The following NLGN1 variants were observed in gnomAD, a reference collection of about 807,000 sequenced individuals.
NLGN1 encodes the protein neuroligin 1.
In NLGN1, 12 loss-of-function variants were observed where a neutral mutation model predicts 65.5. The ratio of observed to expected loss-of-function variants is 0.18; its 90% confidence interval spans 0.12 to 0.30. The LOEUF (loss-of-function observed/expected upper bound fraction) is 0.30. Ranked by LOEUF, NLGN1 falls within the 10% of genes least tolerant of loss-of-function variation. NLGN1 has a pLI of 1.00. For synonymous variants in NLGN1, 350 were observed against 359.5 expected, an observed-to-expected ratio of 0.97 and a Z score of 0.30; for missense variants, 750 against 1,007.1, an observed-to-expected ratio of 0.74 and a Z score of 3.46.
chr3:173,708,302 G>A (rs1184651133), intron 3 of NLGN1, among the ~76,000 whole-genome samples: 2 of 152,122 alleles, frequency 1.3e-5, no homozygotes, highest in Admixed American at 6.5e-5. Flanking sequence ...TCCGACCTTG[G>A]CTGAAGAGCA....
At chr3:174,200,739 A>G (rs997280331) in intron 4 of NLGN1, among the ~76,000 whole-genome samples, 3 of 152,152 alleles carry the variant, frequency 2.0e-5, no homozygotes, top group South Asian at 2.1e-4. Flanking sequence ...TTTCATTTCA[A>G]CCTCCCTGTC....
At chr3:173,726,096 T>C (rs902969304) in intron 3 of NLGN1, among the ~76,000 whole-genome samples, 1 of 151,922 alleles carries the variant, frequency 6.6e-6, no homozygotes, top group Admixed American at 6.6e-5. Flanking sequence ...TAAAGTCGCC[T>C]TTTCCTTACT....
At chr3:174,212,543 T>A (rs1164346838) in intron 4 of NLGN1, among the ~76,000 whole-genome samples, 2 of 152,246 alleles carry the variant, frequency 1.3e-5, no homozygotes, top group Non-Finnish European at 2.9e-5. Context: ...CTCACTAGGC[T>A]GTATCATTTA....
At chr3:174,184,115 T>C (rs2152750258) in intron 4 of NLGN1, among the ~76,000 whole-genome samples, 1 of 152,160 alleles carries the variant, frequency 6.6e-6, no homozygotes, top group East Asian at 1.9e-4. Flanking sequence ...AGAACATTGC[T>C]CAATAAAGAA....
At chr3:173,604,778 A>C in exon 3 of NLGN1, 1 of 1,613,722 alleles carries the variant, frequency 6.2e-7, no homozygotes, top group South Asian at 1.1e-5. Flanking sequence ...CCAACTTTGG[A>C]AAGATAAGAG....
At chr3:173,830,785 G>A (rs923266442) in intron 4 of NLGN1, among the ~76,000 whole-genome samples, 7 of 152,138 alleles carry the variant, frequency 4.6e-5, no homozygotes, top group African/African-American at 1.7e-4. Flanking sequence ...ACTGTCATAT[G>A]TACTAGCCGG....
intron 4 of NLGN1, among the ~76,000 whole-genome samples, chr3:173,961,355 G>A (rs1033749597): frequency 6.6e-6 from 1 of 152,012 alleles, no homozygotes; most frequent in Non-Finnish European, 1.5e-5. Context: ...ATCTAGCAGA[G>A]CTTGGTTTTG....
At chr3:173,686,480 T>A (rs1452199083) in intron 3 of NLGN1, among the ~76,000 whole-genome samples, 2 of 152,132 alleles carry the variant, frequency 1.3e-5, no homozygotes, top group Admixed American at 1.3e-4. Flanking sequence ...ATAAGGGAAA[T>A]GATGTTTCCT....
At chr3:173,400,570 CA>C (rs1717486389) in intron 1 of NLGN1, among the ~76,000 whole-genome samples, 1 of 152,086 alleles carries the variant, frequency 6.6e-6, no homozygotes, top group African/African-American at 2.4e-5. Context: ...ACCAAATATA[CA>C]CCAATGATAG....
At chr3:173,559,187 G>T (rs1044710082) in intron 2 of NLGN1, among the ~76,000 whole-genome samples, 1 of 152,158 alleles carries the variant, frequency 6.6e-6, no homozygotes, top group Non-Finnish European at 1.5e-5. Flanking sequence ...GGAATACACT[G>T]TGATTTCTCT....
chr3:174,254,324 T>C (rs1577609498), intron 4 of NLGN1, among the ~76,000 whole-genome samples: 1 of 144,864 alleles, frequency 6.9e-6, no homozygotes, highest in South Asian at 2.2e-4. Context: ...TTTTTTTTTT[T>C]TTTTTTTGTA....
chr3:173,485,440 G>C (rs1023738), intron 2 of NLGN1, among the ~76,000 whole-genome samples: 2 of 151,924 alleles, frequency 1.3e-5, no homozygotes, highest in African/African-American at 4.8e-5. Flanking sequence ...TTTCTCTTCC[G>C]TTTGAATTTC....
intron 4 of NLGN1, among the ~76,000 whole-genome samples, chr3:173,991,611 T>G (rs902492235): frequency 6.6e-6 from 1 of 152,210 alleles, no homozygotes; most frequent in Non-Finnish European, 1.5e-5. Flanking sequence ...AAGAGTCATA[T>G]CTGGCTTGTT....
At position 174,278,369 on chromosome 3, in the gene NLGN1, T is replaced by C. The variant is rs188448454; in HGVS notation, c.860-492T>C. On this transcript the variant is annotated intron_variant, in intron 5 of 6. Coordinates refer to ENST00000457714, the Ensembl canonical transcript of NLGN1. ...CCAGCCCCAGTCATTGTATGAGCCTTCAAGAATTCTTTTTCAAATAACATC... is the reference window on the plus strand; with the variant it reads ...CCAGCCCCAGTCATTGTATGAGCCTCCAAGAATTCTTTTTCAAATAACATC... Among the ~76,000 whole-genome samples the C allele has an allele frequency of 5.5e-4, 84 of 152,046 alleles. 1 individual carries two copies. The highest frequency in any genetic ancestry group is 3.4e-3 in the Middle Eastern group (1 of 294).
At chr3:173,730,683 A>G (rs1772679901) in intron 3 of NLGN1, among the ~76,000 whole-genome samples, 1 of 152,060 alleles carries the variant, frequency 6.6e-6, no homozygotes, top group South Asian at 2.1e-4. Flanking sequence ...TAAGTAATTC[A>G]TATCTTTTTT....
intron 4 of NLGN1, among the ~76,000 whole-genome samples, chr3:174,254,068 A>G (rs556789989): frequency 6.6e-6 from 1 of 152,282 alleles, no homozygotes; most frequent in Admixed American, 6.5e-5. Flanking sequence ...CTAACTCAGA[A>G]CTATCATATA....
chr3:173,511,686 T>G (rs914998319), intron 2 of NLGN1, among the ~76,000 whole-genome samples: 2 of 152,146 alleles, frequency 1.3e-5, no homozygotes, highest in Non-Finnish European at 2.9e-5. Context: ...TCTCTTTGCT[T>G]TTCAGGTTTG....
chr3:173,749,409 C>T (rs935315212), intron 3 of NLGN1, among the ~76,000 whole-genome samples: 42 of 152,044 alleles, frequency 2.8e-4, no homozygotes, highest in African/African-American at 9.4e-4. Flanking sequence ...ATTGTTCTAG[C>T]GAAATAATCT....
intron 4 of NLGN1, among the ~76,000 whole-genome samples, chr3:173,904,463 T>C (rs891751916): frequency 2.0e-4 from 30 of 152,138 alleles, no homozygotes; most frequent in African/African-American, 7.0e-4. Context: ...CTTCCTTTTT[T>C]TTCTCCTAAA....
Sources: gnomAD v4.1 joint callset for allele counts (sites outside exome capture counted in the v4.1 genomes callset) on GRCh38, gnomAD v4.1.1 for gene constraint, MANE v1.5 for transcripts, NCBI Gene and HGNC (gene_info 2026-07-23, HGNC 2026-07-21) for gene names.